CNBD1: variants seen among roughly 807,000 people sequenced by gnomAD.
CNBD1 encodes cyclic nucleotide binding domain containing 1.
In CNBD1, 71 loss-of-function variants were observed where a neutral mutation model predicts 54.4. The observed-to-expected ratio is 1.30, with a 90% confidence interval of 1.08 to 1.59. CNBD1 has a LOEUF of 1.59. Ranked by LOEUF, CNBD1 falls within the 40% of genes most tolerant of loss-of-function variation. The pLI, the probability that CNBD1 is intolerant of heterozygous loss-of-function variation, is 0.00. For synonymous variants in CNBD1, 182 were observed against 170.7 expected (o/e 1.07, Z -0.51); for missense variants, 659 against 518.0 (o/e 1.27, Z -2.64).
At position 87,378,746 on chromosome 8, in the gene CNBD1, G is replaced by T. The variant is rs549486723; in HGVS notation, c.1304-3874G>T. On this transcript the variant is annotated intron_variant, in intron 10 of 10. Transcript: ENST00000518476. ...TTGAATCTGTAAATTACCTTGGGCA[G>T]TATGGACATTTTCATGATATTGATT... is the stretch of plus-strand genomic sequence containing the variant. 1.3e-5 allele frequency among the ~76,000 whole-genome samples: 2 copies of T among 151,162 alleles called. 1 individual carries two copies. Among genetic ancestry groups the T allele is most frequent in the African/African-American group, 4.9e-5 (2 of 40,572 alleles).
intron 2 of CNBD1, among the ~76,000 whole-genome samples, chr8:86,903,513 T>A (rs1320644244): frequency 6.6e-6 from 1 of 152,090 alleles, no homozygotes; most frequent in African/African-American, 2.4e-5. Flanking sequence ...TATACATTAC[T>A]TAGAAGAGTG....
intron 2 of CNBD1, among the ~76,000 whole-genome samples, chr8:87,411,272 G>C (rs1340565329): frequency 6.6e-6 from 1 of 151,348 alleles, no homozygotes; most frequent in African/African-American, 2.4e-5. Context: ...CATATTTACA[G>C]AGTGAATAAA....
chr8:87,057,461 T>C (rs1242019047), intron 4 of CNBD1, among the ~76,000 whole-genome samples: 2 of 152,212 alleles, frequency 1.3e-5, no homozygotes, highest in Non-Finnish European at 2.9e-5. Flanking sequence ...TATGGAATTA[T>C]AGGAACTACA....
At chr8:87,065,699 G>A (rs1810634164) in intron 4 of CNBD1, among the ~76,000 whole-genome samples, 1 of 151,862 alleles carries the variant, frequency 6.6e-6, no homozygotes, top group Non-Finnish European at 1.5e-5. Flanking sequence ...TTTCTTCATG[G>A]CATTATTAGC....
At chr8:87,312,657 A>T (rs1809293070) in intron 8 of CNBD1, among the ~76,000 whole-genome samples, 2 of 152,196 alleles carry the variant, frequency 1.3e-5, no homozygotes, top group African/African-American at 2.4e-5. Flanking sequence ...TTAATTTTCC[A>T]TAATATCATA....
intron 4 of CNBD1, among the ~76,000 whole-genome samples, chr8:87,125,196 G>A (rs920311003): frequency 2.0e-5 from 3 of 151,588 alleles, no homozygotes; most frequent in Non-Finnish European, 4.4e-5. Context: ...TTAATATTGT[G>A]AAAATGTCTG....
chr8:87,201,549 A>T (rs1228439559), intron 4 of CNBD1, among the ~76,000 whole-genome samples: 1 of 152,032 alleles, frequency 6.6e-6, no homozygotes, highest in Non-Finnish European at 1.5e-5. Context: ...CAAGATCAAT[A>T]TACAAATATC....
At chr8:87,149,872 T>C (rs1184262048) in intron 4 of CNBD1, among the ~76,000 whole-genome samples, 1 of 151,902 alleles carries the variant, frequency 6.6e-6, no homozygotes, top group African/African-American at 2.4e-5. Flanking sequence ...AGATAATTAA[T>C]AAGGAAAAAT....
chr8:87,392,053 G>T (rs1349181881), intron 2 of CNBD1, among the ~76,000 whole-genome samples: 1 of 152,018 alleles, frequency 6.6e-6, no homozygotes, highest in Non-Finnish European at 1.5e-5. Flanking sequence ...ACAGAAAAAG[G>T]TACTCACTTT....
intron 5 of CNBD1, among the ~76,000 whole-genome samples, chr8:87,224,900 G>T (rs1814442359): frequency 2.0e-5 from 3 of 151,954 alleles, no homozygotes; most frequent in Admixed American, 6.6e-5. Flanking sequence ...CCATTTGTTT[G>T]TATCCTCTAT....
intron 4 of CNBD1, among the ~76,000 whole-genome samples, chr8:87,133,755 G>C (rs1389102424): frequency 6.6e-6 from 1 of 151,196 alleles, no homozygotes; most frequent in Non-Finnish European, 1.5e-5. Context: ...TTATGAATGA[G>C]CTATATAATT....
chr8:87,038,009 A>C (rs531310827), intron 4 of CNBD1, among the ~76,000 whole-genome samples: 9 of 152,306 alleles, frequency 5.9e-5, no homozygotes, highest in Non-Finnish European at 1.2e-4. Flanking sequence ...GTCTCACACC[A>C]AGTTTTCATG....
chr8:87,349,965 T>C (rs542325407), intron 8 of CNBD1, among the ~76,000 whole-genome samples: 1 of 152,336 alleles, frequency 6.6e-6, no homozygotes, highest in South Asian at 2.1e-4. Context: ...AGGGTTTGAC[T>C]TCCAAGAATT....
At chr8:87,255,999 ATATATATATATATATATTTTTT>A (rs1291799996) in intron 6 of CNBD1, among the ~76,000 whole-genome samples, 1 of 15,406 alleles carries the variant, frequency 6.5e-5, no homozygotes, top group South Asian at 2.4e-3. Context: ...ATATATATAT[ATATATATATATATATATTTTTT>A]TTTTTTTTTT....
intron 8 of CNBD1, among the ~76,000 whole-genome samples, chr8:87,300,204 C>A (rs113748520): frequency 6.6e-6 from 1 of 152,052 alleles, no homozygotes; most frequent in African/African-American, 2.4e-5. Context: ...TAAATATTTT[C>A]AAATTGATTT....
In CNBD1 at chr8:87,353,635, G is replaced by T. The variant is rs763276149; in HGVS notation, c.1153-1G>T. 19 of 1,561,530 alleles carry T rather than the reference G, an allele frequency of 1.2e-5. No homozygotes were observed. The African/African-American group carries it at 2.3e-4, about 19-fold the overall frequency. ...ACATCAATAATATATTTTTTTAACA[G>T]AAAAGATCTCAAAAACTTGTTTATA... On this transcript the variant is annotated splice_acceptor_variant, in intron 9 of 10. Transcript: ENST00000518476. LOFTEE classifies it high-confidence loss of function.
chr8:87,124,781 AG>A (rs1188373544), intron 4 of CNBD1, among the ~76,000 whole-genome samples: 1 of 151,784 alleles, frequency 6.6e-6, no homozygotes, highest in Non-Finnish European at 1.5e-5. Flanking sequence ...TATTCATTAT[AG>A]TACTGGAAGT....
At chr8:86,885,312 A>G (rs908819488) in intron 1 of CNBD1, among the ~76,000 whole-genome samples, 1 of 152,206 alleles carries the variant, frequency 6.6e-6, no homozygotes, top group African/African-American at 2.4e-5. Context: ...AATAATATAC[A>G]GTGGGCCTTA....
chr8:87,399,695 C>T (rs569803171), intron 2 of CNBD1, among the ~76,000 whole-genome samples: 2 of 152,040 alleles, frequency 1.3e-5, no homozygotes, highest in Admixed American at 6.6e-5. Context: ...CTAAGGCATC[C>T]CTGACCAGTG....
Sources: allele counts gnomAD v4.1 joint callset (sites outside exome capture counted in the v4.1 genomes callset), GRCh38; gene constraint gnomAD v4.1.1; transcripts MANE v1.5; gene names NCBI Gene and HGNC (gene_info 2026-07-23, HGNC 2026-07-21).